Variants in PTPRG observed in about 807,000 individuals in gnomAD.
PTPRG encodes protein tyrosine phosphatase receptor type G.
Under a neutral mutation model 165.3 loss-of-function variants are expected in PTPRG, and 102 were observed. That is an observed-to-expected ratio of 0.62 (90% confidence interval 0.53 to 0.73). PTPRG has a LOEUF of 0.73. PTPRG is among the 30% of genes least tolerant of loss of function. PTPRG has a pLI of 0.00. For missense variants in PTPRG, 1,866 were observed against 1,861.4 expected (o/e 1.00, Z -0.05); for synonymous variants, 675 against 669.5 (o/e 1.01, Z -0.13).
chr3:61,823,465 G>A (rs906092807), intron 2 of PTPRG, among the ~76,000 whole-genome samples: 12 of 151,848 alleles, frequency 7.9e-5, no homozygotes, highest in Admixed American at 7.2e-4. Context: ...GGGATTACAG[G>A]CGTGAGCCAC....
chr3:62,156,093 A>G (rs1206230891), intron 6 of PTPRG, among the ~76,000 whole-genome samples: 3 of 152,254 alleles, frequency 2.0e-5, no homozygotes, highest in Non-Finnish European at 4.4e-5. Flanking sequence ...TGGAAGAATT[A>G]TAAGATATTT....
intron 14 of PTPRG, among the ~76,000 whole-genome samples, chr3:62,234,392 T>G (rs1047763458): frequency 4.6e-5 from 7 of 152,192 alleles, no homozygotes; most frequent in African/African-American, 1.7e-4. Flanking sequence ...CTATTGTGCA[T>G]GTATGGTGCC....
At chr3:61,895,555 A>T (rs888981937) in intron 2 of PTPRG, among the ~76,000 whole-genome samples, 1 of 152,224 alleles carries the variant, frequency 6.6e-6, no homozygotes, top group Non-Finnish European at 1.5e-5. Context: ...AGGAGCAATT[A>T]TCCACATGTC....
chr3:61,764,607 C>T (rs2033957619), intron 2 of PTPRG, among the ~76,000 whole-genome samples: 1 of 152,118 alleles, frequency 6.6e-6, no homozygotes, highest in African/African-American at 2.4e-5. Flanking sequence ...CTTGAGCAGA[C>T]ATCTGAACAC....
chr3:61,857,595 G>A (rs2037148478), intron 2 of PTPRG, among the ~76,000 whole-genome samples: 1 of 152,154 alleles, frequency 6.6e-6, no homozygotes, highest in African/African-American at 2.4e-5. Flanking sequence ...AGGTCAGCCT[G>A]GGGACCAATC....
intron 1 of PTPRG, among the ~76,000 whole-genome samples, chr3:61,732,596 C>G (rs186363927): frequency 7.2e-4 from 109 of 150,892 alleles, no homozygotes; most frequent in Non-Finnish European, 1.3e-3. Flanking sequence ...GTAGTCCCAG[C>G]TACTCGGGAG....
chr3:61,953,289 A>G (rs892550314), intron 2 of PTPRG, among the ~76,000 whole-genome samples: 1 of 152,192 alleles, frequency 6.6e-6, no homozygotes, highest in African/African-American at 2.4e-5. Context: ...TCTGCTACTG[A>G]CAATGAAGAA....
At chr3:61,742,406 T>A (rs2033027880) in intron 1 of PTPRG, 1 of 1,058,558 alleles carries the variant, frequency 9.4e-7, no homozygotes, top group Admixed American at 3.5e-5. Flanking sequence ...GTCTGGAATT[T>A]TTTTTTTTTT....
chr3:61,881,129 C>A (rs2037878046), intron 2 of PTPRG, among the ~76,000 whole-genome samples: 2 of 151,764 alleles, frequency 1.3e-5, no homozygotes, highest in Admixed American at 1.3e-4. Context: ...AATTTAACAT[C>A]ATATACAAAG....
intron 1 of PTPRG, among the ~76,000 whole-genome samples, chr3:61,680,812 C>T (rs193027833): frequency 1.2e-5 from 1 of 84,366 alleles, no homozygotes; most frequent in Non-Finnish European, 3.1e-5. Context: ...GGGTTATTGG[C>T]ACCCGGTTGG....
chr3:61,802,370 A>T (rs1314947418), intron 2 of PTPRG, among the ~76,000 whole-genome samples: 1 of 152,094 alleles, frequency 6.6e-6, no homozygotes, highest in Non-Finnish European at 1.5e-5. Flanking sequence ...CAAAGAGAAG[A>T]TGAAATGAAT....
intron 1 of PTPRG, among the ~76,000 whole-genome samples, chr3:61,684,145 TA>T (rs1264568938): frequency 6.6e-6 from 1 of 152,198 alleles, no homozygotes; most frequent in Non-Finnish European, 1.5e-5. Context: ...CCTGGACTTT[TA>T]AGAGTAGCTC....
intron 13 of PTPRG, 54 bp from the exon 14 acceptor site, chr3:62,231,171 C>A: frequency 7.4e-7 from 1 of 1,346,264 alleles, no homozygotes; most frequent in South Asian, 1.9e-5. Context: ...TCTTGGTGGC[C>A]AATTGAAAAT....
chr3:62,091,669 T>C (rs1429519442), intron 5 of PTPRG, among the ~76,000 whole-genome samples: 1 of 152,194 alleles, frequency 6.6e-6, no homozygotes, highest in Non-Finnish European at 1.5e-5. Context: ...TCCTTATTAG[T>C]GTCTACTTGG....
intron 1 of PTPRG, among the ~76,000 whole-genome samples, chr3:61,702,193 G>C (rs2031003574): frequency 6.6e-6 from 1 of 152,132 alleles, no homozygotes; most frequent in African/African-American, 2.4e-5. Flanking sequence ...TGGCCAGGCT[G>C]TTCTTGAACT....
intron 4 of PTPRG, among the ~76,000 whole-genome samples, chr3:62,004,805 G>C (rs1467921233): frequency 6.6e-6 from 1 of 152,192 alleles, no homozygotes; most frequent in Non-Finnish European, 1.5e-5. Context: ...GCCAAGAAAG[G>C]TTTTCAACTG....
intron 2 of PTPRG, among the ~76,000 whole-genome samples, chr3:61,781,894 T>TTG (rs1553666786): frequency 1.3e-5 from 2 of 149,848 alleles, no homozygotes; most frequent in African/African-American, 2.5e-5. Context: ...TGCCCAGTTT[T>TTG]TTTTTTTTTT....
At chr3:61,582,976 C>A (rs534810187) in intron 1 of PTPRG, among the ~76,000 whole-genome samples, 2 of 152,152 alleles carry the variant, frequency 1.3e-5, no homozygotes, top group Non-Finnish European at 2.9e-5. Flanking sequence ...TACCTTCCTA[C>A]GGGTATCCTG....
At chr3:61,771,139 T>TAAAA (rs1255335095) in intron 2 of PTPRG, 2 of 152,178 alleles carry the variant, frequency 1.3e-5, no homozygotes, top group Admixed American at 6.6e-5. Context: ...TTTGCCTTTT[T>TAAAA]TATGCAGAAC....
Sources: gnomAD v4.1 joint callset for allele counts (sites outside exome capture counted in the v4.1 genomes callset) on GRCh38, gnomAD v4.1.1 for gene constraint, MANE v1.5 for transcripts, NCBI Gene and HGNC (gene_info 2026-07-23, HGNC 2026-07-21) for gene names.